NPAS3: variants seen among roughly 807,000 people sequenced by gnomAD.
The protein encoded by NPAS3 is neuronal PAS domain protein 3.
Under a neutral mutation model 73.1 loss-of-function variants are expected in NPAS3, and 14 were observed. That is an observed-to-expected ratio of 0.19 (90% CI 0.13 to 0.30). The LOEUF is 0.30. NPAS3 is among the 10% of genes least tolerant of loss of function. The pLI, the probability that NPAS3 is intolerant of heterozygous loss-of-function variation, is 1.00. For missense variants in NPAS3, 1,096 were observed against 1,250.0 expected (o/e 0.88, Z 1.86); for synonymous variants, 620 against 541.5 (o/e 1.14, Z -2.01).
chr14:33,417,478 C>T (rs1406070580), intron 4 of NPAS3, among the ~76,000 whole-genome samples: 1 of 152,074 alleles, frequency 6.6e-6, no homozygotes, highest in Non-Finnish European at 1.5e-5. Flanking sequence ...TCTGTGATTA[C>T]GTTCTAAGTG....
intron 4 of NPAS3, among the ~76,000 whole-genome samples, chr14:33,549,797 C>T (rs985125427): frequency 1.3e-5 from 2 of 151,876 alleles, no homozygotes; most frequent in Admixed American, 6.6e-5. Context: ...AACTTCATTC[C>T]CATGATTCCT....
At chr14:33,583,774 C>G (rs745939738) in intron 5 of NPAS3, among the ~76,000 whole-genome samples, 1 of 152,174 alleles carries the variant, frequency 6.6e-6, no homozygotes, top group South Asian at 2.1e-4. Flanking sequence ...CTAAGTGTAG[C>G]AATTTAAGAA....
intron 1 of NPAS3, among the ~76,000 whole-genome samples, chr14:33,038,641 C>T (rs1351728750): frequency 6.6e-6 from 1 of 152,012 alleles, no homozygotes; most frequent in Non-Finnish European, 1.5e-5. Context: ...AGTTGGATAG[C>T]ATTTGGGGTT....
chr14:33,211,008 G>A (rs2047013441), intron 2 of NPAS3, among the ~76,000 whole-genome samples: 1 of 152,122 alleles, frequency 6.6e-6, no homozygotes, highest in South Asian at 2.1e-4. Flanking sequence ...GGCATTAGAA[G>A]GAAAGAACAA....
intron 4 of NPAS3, among the ~76,000 whole-genome samples, chr14:33,390,290 C>T (rs898479051): frequency 6.6e-6 from 1 of 151,988 alleles, no homozygotes; most frequent in Non-Finnish European, 1.5e-5. Context: ...GTCATAAAGA[C>T]AGTGGTGAAA....
chr14:32,995,405 G>A (rs890471908), intron 1 of NPAS3, among the ~76,000 whole-genome samples: 2 of 152,274 alleles, frequency 1.3e-5, no homozygotes, highest in South Asian at 2.1e-4. Flanking sequence ...TCCTGGCTGA[G>A]GCCCTCTCAT....
At chr14:33,284,537 C>T (rs1326234819) in intron 3 of NPAS3, among the ~76,000 whole-genome samples, 1 of 152,082 alleles carries the variant, frequency 6.6e-6, no homozygotes, top group East Asian at 1.9e-4. Context: ...TTTGAAGCCA[C>T]AAATCTGCCA....
intron 5 of NPAS3, among the ~76,000 whole-genome samples, chr14:33,571,373 T>G (rs2056207943): frequency 6.6e-6 from 1 of 152,114 alleles, no homozygotes; most frequent in African/African-American, 2.4e-5. Flanking sequence ...GGGGTAGGGC[T>G]CGAGGAGGGG....
rs922917435 is a variant in NPAS3 at position 33,169,824 on chromosome 14, T to C, written c.141-45358T>C. 1.6e-4 allele frequency among the ~76,000 whole-genome samples: 25 copies of C among 152,232 alleles called. 1 individual carries two copies. The highest frequency in any genetic ancestry group is 1.3e-4 in the Non-Finnish European group (9 of 68,024). On this transcript the variant is annotated intron_variant, in intron 2 of 11. Coordinates refer to ENST00000356141, the Ensembl canonical transcript of NPAS3. ...TGAAAGCAGTTTAACATGGAGAAAA[T>C]AGTATTGAATTGAAATCAGACCTAA...
At chr14:33,335,426 G>T (rs1413556119) in intron 3 of NPAS3, among the ~76,000 whole-genome samples, 3 of 152,128 alleles carry the variant, frequency 2.0e-5, no homozygotes, top group African/African-American at 7.2e-5. Flanking sequence ...CCCATATTGA[G>T]TCTGAGTCAG....
intron 4 of NPAS3, among the ~76,000 whole-genome samples, chr14:33,554,464 T>C (rs1337369942): frequency 1.3e-5 from 2 of 152,212 alleles, no homozygotes; most frequent in Non-Finnish European, 2.9e-5. Flanking sequence ...TTAAATCATG[T>C]ATATCTTACT....
At chr14:33,757,427 A>G (rs2062149041) in intron 7 of NPAS3, among the ~76,000 whole-genome samples, 1 of 152,186 alleles carries the variant, frequency 6.6e-6, no homozygotes, top group South Asian at 2.1e-4. Flanking sequence ...CTCCAAAGTT[A>G]TACAGGCAAA....
At chr14:33,183,451 T>G (rs2045876013) in intron 2 of NPAS3, among the ~76,000 whole-genome samples, 2 of 95,478 alleles carry the variant, frequency 2.1e-5, no homozygotes, top group Non-Finnish European at 4.1e-5. Context: ...TTTTTTTTTT[T>G]TTTTTTGAAA....
intron 2 of NPAS3, among the ~76,000 whole-genome samples, chr14:33,164,915 C>T (rs1205860957): frequency 6.6e-6 from 1 of 151,856 alleles, no homozygotes; most frequent in Non-Finnish European, 1.5e-5. Flanking sequence ...CAATAATTTC[C>T]CTTTTCATGG....
chr14:33,553,357 C>T (rs2055210176), intron 4 of NPAS3, among the ~76,000 whole-genome samples: 1 of 152,134 alleles, frequency 6.6e-6, no homozygotes, highest in Admixed American at 6.5e-5. Context: ...AATTCTGCTG[C>T]CTCTTTATTC....
chr14:33,143,927 C>G (rs1452908224), intron 2 of NPAS3, among the ~76,000 whole-genome samples: 1 of 152,084 alleles, frequency 6.6e-6, no homozygotes, highest in Non-Finnish European at 1.5e-5. Context: ...AATAGTATTC[C>G]ATTGTGTGGA....
chr14:33,120,250 C>T (rs769508987), intron 2 of NPAS3, among the ~76,000 whole-genome samples: 5 of 152,116 alleles, frequency 3.3e-5, no homozygotes, highest in East Asian at 1.9e-4. Flanking sequence ...TGAGCCATGG[C>T]GCCTGGCCCA....
chr14:33,778,257 G>A (rs779257004), intron 8 of NPAS3, among the ~76,000 whole-genome samples: 3 of 152,098 alleles, frequency 2.0e-5, no homozygotes, highest in African/African-American at 7.2e-5. Flanking sequence ...AAACACAATC[G>A]CTTGATCTAA....
chr14:32,967,777 G>GGA (rs1160990514), intron 1 of NPAS3, among the ~76,000 whole-genome samples: 2 of 150,660 alleles, frequency 1.3e-5, no homozygotes, highest in Non-Finnish European at 3.0e-5. Flanking sequence ...CATGTGGGGG[G>GGA]GGGTCCTAAA....
Sources: allele counts gnomAD v4.1 joint callset (sites outside exome capture counted in the v4.1 genomes callset), GRCh38; gene constraint gnomAD v4.1.1; transcripts MANE v1.5; gene names NCBI Gene and HGNC (gene_info 2026-07-23, HGNC 2026-07-21).